SLC35F3: variants seen among roughly 807,000 people sequenced by gnomAD.
SLC35F3 encodes solute carrier family 35 member F3.
A neutral mutation model predicts 49.9 loss-of-function variants in SLC35F3; 25 were observed. That is an observed-to-expected ratio of 0.50 (90% CI 0.37 to 0.70). The LOEUF is 0.70. Ranked by LOEUF, SLC35F3 falls within the 30% of genes least tolerant of loss-of-function variation. SLC35F3 has a pLI of 0.00. For missense variants in SLC35F3, 525 were observed against 639.8 expected, an observed-to-expected ratio of 0.82 and a Z score of 1.94; for synonymous variants, 275 against 265.4, an observed-to-expected ratio of 1.04 and a Z score of -0.35.
At chr1:234,299,558 C>T (rs996432814) in intron 3 of SLC35F3, among the ~76,000 whole-genome samples, 42 of 152,094 alleles carry the variant, frequency 2.8e-4, no homozygotes, top group Admixed American at 9.2e-4. Context: ...GTAATCCCAG[C>T]ACTTTGGGAG....
At position 234,064,115 on chromosome 1, in the gene SLC35F3, G is replaced by C. The variant is rs182449110; in HGVS notation, c.283+158357G>C. On this transcript the variant is annotated intron_variant, in intron 2 of 7. Transcript: ENST00000366618. ...TCTAAACATTTGGATTTTTTGGTGG[G>C]GGGGACTGTTTCCTTTGTCTGTTTT... Among the ~76,000 whole-genome samples the C allele has an allele frequency of 4.6e-5, 7 of 152,278 alleles. No homozygotes were observed. In the East Asian group the frequency reaches 1.4e-3, roughly 29 times the overall value.
intron 2 of SLC35F3, among the ~76,000 whole-genome samples, chr1:233,939,569 A>G (rs1662388501): frequency 6.6e-6 from 1 of 152,232 alleles, no homozygotes; most frequent in Non-Finnish European, 1.5e-5. Flanking sequence ...GAGAGTTGAG[A>G]AGAGGCTAAA....
intron 2 of SLC35F3, among the ~76,000 whole-genome samples, chr1:234,151,397 TTATTA>T (rs1178913129): frequency 6.6e-6 from 1 of 151,338 alleles, no homozygotes; most frequent in African/African-American, 2.4e-5. Flanking sequence ...CCAGGCTAAG[TTATTA>T]TAAGAAAAAG....
intron 2 of SLC35F3, among the ~76,000 whole-genome samples, chr1:234,227,468 G>A (rs1667304364): frequency 6.9e-6 from 1 of 144,074 alleles, no homozygotes; most frequent in Non-Finnish European, 1.5e-5. Context: ...GCGCAATCTC[G>A]GCTTACTACA....
Position 234,155,721 on chromosome 1 carries a change from T to C in SLC35F3, c.284-75696T>C, listed in dbSNP as rs533277428. Among the ~76,000 whole-genome samples, 249 of 151,614 alleles carry C rather than the reference T, an allele frequency of 1.6e-3. 1 individual carries two copies. Among genetic ancestry groups the C allele is most frequent in the African/African-American group, 5.7e-3 (238 of 41,434 alleles). ...ATGCTAACAATTGCCTGAAAAATTA[T>C]TGGGGAAAGGATGGATTATTCAAAG... On this transcript the variant is annotated intron_variant, in intron 2 of 7. Transcript: ENST00000366618.
intron 2 of SLC35F3, among the ~76,000 whole-genome samples, chr1:234,147,383 C>G (rs1666014623): frequency 6.6e-6 from 1 of 152,008 alleles, no homozygotes; most frequent in African/African-American, 2.4e-5. Flanking sequence ...GTTATTGTAT[C>G]ATATGTAATA....
At chr1:234,066,372 G>A (rs1034505979) in intron 2 of SLC35F3, among the ~76,000 whole-genome samples, 1 of 151,918 alleles carries the variant, frequency 6.6e-6, no homozygotes, top group Non-Finnish European at 1.5e-5. Context: ...GCCTCATCTA[G>A]TACCACTTTC....
chr1:233,974,237 T>G (rs1246171576), intron 2 of SLC35F3, among the ~76,000 whole-genome samples: 2 of 140,710 alleles, frequency 1.4e-5, no homozygotes, highest in Non-Finnish European at 3.0e-5. Flanking sequence ...CAGGCTGAAG[T>G]GCAATGGCAC....
chr1:234,321,314 A>G (rs1410849541), intron 7 of SLC35F3, among the ~76,000 whole-genome samples: 1 of 152,182 alleles, frequency 6.6e-6, no homozygotes, highest in Non-Finnish European at 1.5e-5. Context: ...TGTGGTCCCA[A>G]CATATCTGCT....
chr1:234,136,308 C>A (rs1343599605), intron 2 of SLC35F3, among the ~76,000 whole-genome samples: 2 of 147,146 alleles, frequency 1.4e-5, no homozygotes, highest in African/African-American at 5.1e-5. Flanking sequence ...TTTCTCCTTT[C>A]TCTCTTTCTT....
intron 2 of SLC35F3, among the ~76,000 whole-genome samples, chr1:233,939,385 ATTGAGGCTG>A (rs1662386282): frequency 6.6e-6 from 1 of 152,122 alleles, no homozygotes; most frequent in Non-Finnish European, 1.5e-5. Context: ...AGCCCAGGAG[ATTGAGGCTG>A]CAGTGAGCTG....
At chr1:234,054,893 A>T (rs183019953) in intron 2 of SLC35F3, among the ~76,000 whole-genome samples, 3 of 152,026 alleles carry the variant, frequency 2.0e-5, no homozygotes, top group African/African-American at 7.3e-5. Context: ...GGTCTGTTGG[A>T]GTTTGCTGGA....
chr1:234,274,289 T>G (rs1668161741), intron 3 of SLC35F3: 1 of 152,246 alleles, frequency 6.6e-6, no homozygotes, highest in Non-Finnish European at 1.5e-5. Flanking sequence ...AAGAGATTTT[T>G]AATTCATCAG....
chr1:234,124,299 A>T (rs1665615627), intron 2 of SLC35F3, among the ~76,000 whole-genome samples: 1 of 152,192 alleles, frequency 6.6e-6, no homozygotes, highest in Non-Finnish European at 1.5e-5. Context: ...AAGACTCAGA[A>T]TTCACAATTA....
chr1:234,249,512 C>A (rs1667702232), intron 3 of SLC35F3, among the ~76,000 whole-genome samples: 1 of 152,168 alleles, frequency 6.6e-6, no homozygotes, highest in Admixed American at 6.5e-5. Context: ...TCTTGCCCAC[C>A]TTCATCCAAG....
intron 2 of SLC35F3, among the ~76,000 whole-genome samples, chr1:233,948,257 A>C: frequency 8.2e-6 from 1 of 121,534 alleles, no homozygotes; most frequent in Non-Finnish European, 1.8e-5. Flanking sequence ...GAGAGAGAGA[A>C]TGTGTGAATG....
At chr1:233,928,267 G>C (rs1331214377) in intron 2 of SLC35F3, among the ~76,000 whole-genome samples, 1 of 152,152 alleles carries the variant, frequency 6.6e-6, no homozygotes, top group Non-Finnish European at 1.5e-5. Flanking sequence ...GTCACACTAT[G>C]GGTTCTGTAA....
At position 233,905,632 on chromosome 1, in the gene SLC35F3, G is replaced by T. The variant is rs560340646; in HGVS notation, c.157G>T (p.Asp53Tyr). ...GGTGGTGGACGAGGCGATTAAGGAG[G>T]ATCTGAAATGGTCGCGCTCCGTGGA... is the stretch of plus-strand genomic sequence containing the variant. ...YLVVDEAIKE[D>Y]LKWSRSVEDL... Residue 53 changes from aspartate to tyrosine, a missense_variant, in exon 2 of 8, where the codon GAT becomes TAT. Around this residue, in one of 4 missense-constraint regions of SLC35F3, gnomAD observed 228 missense variants for 218.9 expected, o/e 1.04. Transcript: ENST00000366618. The T allele has an allele frequency of 6.2e-7, 1 of 1,614,074 alleles. No homozygotes were observed. Among genetic ancestry groups the T allele is most frequent in the South Asian group, 1.1e-5 (1 of 91,092 alleles).
intron 3 of SLC35F3, among the ~76,000 whole-genome samples, chr1:234,253,366 C>T (rs1459298678): frequency 1.3e-5 from 2 of 151,150 alleles, no homozygotes; most frequent in East Asian, 3.9e-4. Context: ...AAACAGAATG[C>T]TGTTCACCTG....
Sources: allele counts gnomAD v4.1 joint callset (sites outside exome capture counted in the v4.1 genomes callset), GRCh38; gene constraint gnomAD v4.1.1; regional missense constraint gnomAD v4.1.1; transcripts MANE v1.5; gene names NCBI Gene and HGNC (gene_info 2026-07-23, HGNC 2026-07-21).